FILIP1: variants seen among roughly 807,000 people sequenced by gnomAD.
FILIP1 encodes the protein filamin A interacting protein 1, also known as filamin-A-interacting protein 1.
In FILIP1, 61 loss-of-function variants were observed where a neutral mutation model predicts 102.1. That is an observed-to-expected ratio of 0.60 (90% CI 0.49 to 0.74). FILIP1 has a LOEUF of 0.74. FILIP1 is among the 30% of genes least tolerant of loss of function. FILIP1 has a pLI of 0.00. For missense variants in FILIP1, 1,314 were observed against 1,441.2 expected, an observed-to-expected ratio of 0.91 and a Z score of 1.43; for synonymous variants, 491 against 526.9, an observed-to-expected ratio of 0.93 and a Z score of 0.93.
intron 2 of FILIP1, among the ~76,000 whole-genome samples, chr6:75,364,846 G>A (rs543892144): frequency 1.0e-3 from 157 of 152,196 alleles, no homozygotes; most frequent in African/African-American, 3.5e-3. Flanking sequence ...TCCTTTTTCC[G>A]ATCTTAAAAA....
In FILIP1 at chr6:75,348,715, C is replaced by T. The variant is rs115039699; in HGVS notation, c.629+4824G>A. On this transcript the variant is annotated intron_variant, in intron 4 of 5. Transcript: ENST00000237172. ...CTTTATTAAGCGCCCCCATAAACCTCATTAACCTTCTGTGATAACTACCCC... is the reference window on the plus strand; with the variant it reads ...CTTTATTAAGCGCCCCCATAAACCTTATTAACCTTCTGTGATAACTACCCC... Among the ~76,000 whole-genome samples, 398 of 152,306 alleles carry T rather than the reference C, an allele frequency of 2.6e-3. 1 individual carries two copies. The highest frequency in any genetic ancestry group is 9.2e-3 in the African/African-American group (382 of 41,560).
At chr6:75,336,427 A>T (rs2149584525) in intron 4 of FILIP1, among the ~76,000 whole-genome samples, 1 of 152,272 alleles carries the variant, frequency 6.6e-6, no homozygotes, top group South Asian at 2.1e-4. Context: ...GTTTCTGCAC[A>T]GTTTAATGTT....
chr6:75,464,434 TA>T (rs1176994343), intron 1 of FILIP1, among the ~76,000 whole-genome samples: 3 of 152,230 alleles, frequency 2.0e-5, no homozygotes, highest in Non-Finnish European at 4.4e-5. Flanking sequence ...CTCTGCACAC[TA>T]AACATCAATG....
intron 1 of FILIP1, among the ~76,000 whole-genome samples, chr6:75,479,260 A>AT (rs1254512947): frequency 6.6e-6 from 1 of 152,242 alleles, no homozygotes; most frequent in Admixed American, 6.5e-5. Context: ...ATGTGTTTAG[A>AT]TTTTTTTATT....
At chr6:75,447,247 C>T (rs1778469905) in intron 1 of FILIP1, among the ~76,000 whole-genome samples, 1 of 152,054 alleles carries the variant, frequency 6.6e-6, no homozygotes, top group South Asian at 2.1e-4. Flanking sequence ...TTTTAGATTT[C>T]TTTAAAGAGT....
At chr6:75,469,773 A>T (rs997148145) in intron 1 of FILIP1, among the ~76,000 whole-genome samples, 1 of 152,116 alleles carries the variant, frequency 6.6e-6, no homozygotes. Flanking sequence ...TGAACAACCA[A>T]TATAATCCAA....
chr6:75,354,589 A>G (rs1043549607), intron 3 of FILIP1, among the ~76,000 whole-genome samples: 1 of 151,780 alleles, frequency 6.6e-6, no homozygotes, highest in East Asian at 1.9e-4. Flanking sequence ...AAAAAAAAAA[A>G]ACCTTTTAAC....
rs143683233 is a variant in FILIP1 at position 75,330,481 on chromosome 6, G to A, written c.630-15279C>T. On this transcript the variant is annotated intron_variant, in intron 4 of 5. Transcript: ENST00000237172. The stretch of plus-strand genomic sequence containing the variant: ...AATTTTTGACCCTAGCCCAGTGCAG[G>A]AAGGCCTATTTCACATAGTCCCACT... Among the ~76,000 whole-genome samples the A allele has an allele frequency of 9.7e-3, 1,473 of 152,076 alleles. 12 individuals are homozygous for A. The highest frequency in any genetic ancestry group is 0.017 in the Non-Finnish European group (1,132 of 67,986).
chr6:75,314,676 G>T lies in FILIP1; in HGVS notation c.1156C>A (p.Arg386Ser). 6.2e-7 allele frequency: 1 copy of T among 1,613,668 alleles called. No homozygotes were observed. The highest frequency in any genetic ancestry group is 1.1e-5 in the South Asian group (1 of 90,930). Reference protein sequence around the residue: ...LMAEVENLRKRVLEMEGKDEE... With the variant: ...LMAEVENLRKSVLEMEGKDEE... ...TCTTTACCTTCCATTTCAAGCACACGCTTTCGAAGATTTTCCACTTCTGCC... is the reference window on the plus strand; with the variant it reads ...TCTTTACCTTCCATTTCAAGCACACTCTTTCGAAGATTTTCCACTTCTGCC... Residue 386 changes from arginine to serine, a missense_variant, in exon 5 of 6, where the codon CGT becomes AGT. By Grantham distance (110) the Arg-to-Ser change is moderately radical. Around this residue, in one of 3 missense-constraint regions of FILIP1, gnomAD observed 494 missense variants for 511.2 expected, o/e 0.97. Transcript: ENST00000237172.
At chr6:75,457,612 G>GTCTC (rs68150078) in intron 1 of FILIP1, among the ~76,000 whole-genome samples, 4,651 of 142,672 alleles carry the variant, frequency 0.033, 268 homozygotes, top group African/African-American at 0.11. Flanking sequence ...TTCAAACAAA[G>GTCTC]TCTCTCTCTC....
chr6:75,404,353 C>T (rs1349335970), intron 2 of FILIP1, among the ~76,000 whole-genome samples: 1 of 152,206 alleles, frequency 6.6e-6, no homozygotes, highest in Non-Finnish European at 1.5e-5. Flanking sequence ...CTGCCCACTT[C>T]TCCCAAGATC....
Position 75,404,285 on chromosome 6 carries a change from A to T in FILIP1, c.276+10412T>A, listed in dbSNP as rs114471534. ...AACACTGCCGTACCAGAAACCCTAA[A>T]TGCAAATAGCTCAAATTCCAGTTTT... On this transcript the variant is annotated intron_variant, in intron 2 of 5. Transcript: ENST00000237172. Among the ~76,000 whole-genome samples, 1,163 of 152,166 alleles carry T rather than the reference A, an allele frequency of 7.6e-3. 9 individuals are homozygous for T. Among genetic ancestry groups the T allele is most frequent in the Middle Eastern group, 0.02 (6 of 294 alleles).
At chr6:75,364,224 GAGAATGTTGAAGT>G (rs2149614745) in intron 2 of FILIP1, among the ~76,000 whole-genome samples, 1 of 152,344 alleles carries the variant, frequency 6.6e-6, no homozygotes, top group East Asian at 1.9e-4. Context: ...GAATGTTGGT[GAGAATGTTGAAGT>G]CAGGAAGTAG....
At chr6:75,311,605 T>C (rs552986642) in intron 5 of FILIP1, among the ~76,000 whole-genome samples, 2 of 152,214 alleles carry the variant, frequency 1.3e-5, no homozygotes, top group African/African-American at 4.8e-5. Flanking sequence ...CAAGTGATTC[T>C]CCTGCCTCAG....
Position 75,334,962 on chromosome 6 carries a change from C to T in FILIP1, c.629+18577G>A, listed in dbSNP as rs1047643592. Among the ~76,000 whole-genome samples the T allele has an allele frequency of 2.1e-4, 32 of 152,154 alleles. No homozygotes were observed. The East Asian group carries it at 3.5e-3, about 17-fold the overall frequency. On this transcript the variant is annotated intron_variant, in intron 4 of 5. Coordinates refer to ENST00000237172, the MANE Select transcript of FILIP1 (RefSeq NM_015687.5). ...AAGCAAAGCAAGTGAATGGGAATTA[C>T]GCTCCACACTAAGGGAAATGCATTG...
chr6:75,425,400 G>A (rs1259815913), intron 1 of FILIP1, among the ~76,000 whole-genome samples: 2 of 152,054 alleles, frequency 1.3e-5, no homozygotes, highest in African/African-American at 4.8e-5. Flanking sequence ...GATTCAGCGT[G>A]GGCAGGAAGT....
At chr6:75,454,422 G>C (rs1228468997) in intron 1 of FILIP1, among the ~76,000 whole-genome samples, 1 of 152,048 alleles carries the variant, frequency 6.6e-6, no homozygotes, top group Non-Finnish European at 1.5e-5. Flanking sequence ...GATTAGATTG[G>C]GCCCACTTGG....
At chr6:75,307,343 G>T (rs1259054645), downstream of FILIP1, among the ~76,000 whole-genome samples, 2 of 152,092 alleles carry the variant, frequency 1.3e-5, no homozygotes, top group Non-Finnish European at 2.9e-5. Context: ...TTTTAAAGAA[G>T]TATGCTTTTT....
intron 1 of FILIP1, among the ~76,000 whole-genome samples, chr6:75,437,318 G>A (rs546193497): frequency 3.6e-4 from 55 of 152,358 alleles, no homozygotes; most frequent in African/African-American, 1.3e-3. Flanking sequence ...AGTTTGTATG[G>A]ACAAACTTAA....
Sources: allele counts gnomAD v4.1 joint callset (sites outside exome capture counted in the v4.1 genomes callset), GRCh38; gene constraint gnomAD v4.1.1; regional missense constraint gnomAD v4.1.1; transcripts MANE v1.5; gene names NCBI Gene and HGNC (gene_info 2026-07-23, HGNC 2026-07-21).